Variants in RAB7A observed in about 807,000 individuals in gnomAD.
RAB7A encodes the protein RAB7A, member RAS oncogene family.
A neutral mutation model predicts 24.5 loss-of-function variants in RAB7A; 2 were observed. That is an observed-to-expected ratio of 0.08 (90% CI 0.03 to 0.26). RAB7A has a LOEUF of 0.26. RAB7A is among the 10% of genes least tolerant of loss of function. The pLI is 1.00. For synonymous variants in RAB7A, 100 were observed against 95.9 expected (o/e 1.04, Z -0.25); for missense variants, 118 against 255.7 (o/e 0.46, Z 3.67).
intron 1 of RAB7A, among the ~76,000 whole-genome samples, chr3:128,726,946 G>T (rs1224801519): frequency 1.3e-5 from 2 of 152,218 alleles, no homozygotes; most frequent in Admixed American, 1.3e-4. Context: ...TGGGAGACAG[G>T]GAGCTTTTTG....
At chr3:128,787,637 C>T (rs960864527) in intron 1 of RAB7A, among the ~76,000 whole-genome samples, 2 of 152,194 alleles carry the variant, frequency 1.3e-5, no homozygotes, top group Non-Finnish European at 2.9e-5. Context: ...TATAGTAATC[C>T]TCTTTATCTG....
intron 1 of RAB7A, among the ~76,000 whole-genome samples, chr3:128,745,048 G>C (rs568193671): frequency 6.6e-6 from 1 of 151,726 alleles, no homozygotes; most frequent in African/African-American, 2.4e-5. Context: ...TAATTTTTTT[G>C]TATTTTTAGT....
At chr3:128,748,611 C>T (rs2070645027) in intron 1 of RAB7A, 2 of 152,226 alleles carry the variant, frequency 1.3e-5, no homozygotes, top group Non-Finnish European at 2.9e-5. Flanking sequence ...TGGATGTGGT[C>T]TGCCTTGAAC....
At chr3:128,730,158 T>C (rs1308675307) in intron 1 of RAB7A, among the ~76,000 whole-genome samples, 1 of 152,224 alleles carries the variant, frequency 6.6e-6, no homozygotes, top group Non-Finnish European at 1.5e-5. Flanking sequence ...AGTTATTTGC[T>C]CTTAAATCTT....
chr3:128,753,716 C>T (rs1237569179), intron 1 of RAB7A, among the ~76,000 whole-genome samples: 7 of 152,162 alleles, frequency 4.6e-5, no homozygotes, highest in African/African-American at 1.7e-4. Flanking sequence ...AATGAACTTG[C>T]TCCCTTGAGT....
intron 1 of RAB7A, among the ~76,000 whole-genome samples, chr3:128,783,594 C>T (rs542121630): frequency 6.6e-6 from 1 of 152,268 alleles, no homozygotes; most frequent in Non-Finnish European, 1.5e-5. Flanking sequence ...TTTATGTGCC[C>T]GCTCAGGCCT....
intron 1 of RAB7A, among the ~76,000 whole-genome samples, chr3:128,738,574 T>G (rs1005956654): frequency 5.3e-5 from 8 of 152,228 alleles, no homozygotes; most frequent in African/African-American, 1.9e-4. Flanking sequence ...AGTCCACTTT[T>G]AAAGCTTTTC....
chr3:128,793,055 G>A (rs546707032), intron 1 of RAB7A, among the ~76,000 whole-genome samples: 13 of 151,074 alleles, frequency 8.6e-5, no homozygotes, highest in Non-Finnish European at 1.8e-4. Context: ...ACGGAGTCTC[G>A]CTCTGTCGCC....
intron 3 of RAB7A, among the ~76,000 whole-genome samples, chr3:128,802,331 G>A (rs1339629694): frequency 3.9e-5 from 6 of 152,086 alleles, no homozygotes; most frequent in African/African-American, 1.4e-4. Flanking sequence ...AATCAAATAG[G>A]CATGACAAAT....
At chr3:128,786,960 A>G (rs1933354618) in intron 1 of RAB7A, among the ~76,000 whole-genome samples, 1 of 152,276 alleles carries the variant, frequency 6.6e-6, no homozygotes, top group African/African-American at 2.4e-5. Flanking sequence ...TATTTAATAT[A>G]GAAAAAGCAA....
chr3:128,808,085 T>C (rs892327050), intron 5 of RAB7A, among the ~76,000 whole-genome samples: 1 of 152,092 alleles, frequency 6.6e-6, no homozygotes, highest in African/African-American at 2.4e-5. Flanking sequence ...GGCCGGGCAC[T>C]GTGGCTCATG....
At chr3:128,808,947 A>G (rs1415907335) in intron 5 of RAB7A, among the ~76,000 whole-genome samples, 1 of 152,218 alleles carries the variant, frequency 6.6e-6, no homozygotes, top group African/African-American at 2.4e-5. Context: ...GATCTACTCA[A>G]TGAGGAAATT....
chr3:128,756,274 A>G (rs1347509198), intron 1 of RAB7A, among the ~76,000 whole-genome samples: 1 of 151,608 alleles, frequency 6.6e-6, no homozygotes, highest in Non-Finnish European at 1.5e-5. Context: ...AGGCAGGAGA[A>G]TCGCTTGAAC....
At chr3:128,809,535 T>G (rs949767963) in intron 5 of RAB7A, among the ~76,000 whole-genome samples, 4 of 152,242 alleles carry the variant, frequency 2.6e-5, no homozygotes, top group Non-Finnish European at 5.9e-5. Context: ...TTAACTCTAC[T>G]TGCATCTTAA....
chr3:128,777,712 C>T (rs1933128004), intron 1 of RAB7A, among the ~76,000 whole-genome samples: 2 of 152,160 alleles, frequency 1.3e-5, no homozygotes, highest in African/African-American at 2.4e-5. Context: ...AAAGCTGCTC[C>T]AGTCAATCAT....
intron 5 of RAB7A, among the ~76,000 whole-genome samples, chr3:128,812,794 A>G (rs746374647): frequency 7.9e-5 from 12 of 152,232 alleles, no homozygotes; most frequent in Non-Finnish European, 1.3e-4. Flanking sequence ...ACCAGAGGCC[A>G]TTGGTCCCGA....
intron 1 of RAB7A, among the ~76,000 whole-genome samples, chr3:128,727,956 C>CT (rs540873200): frequency 0.017 from 2,525 of 145,422 alleles, 69 homozygotes; most frequent in African/African-American, 0.059. Context: ...TCATATTTGT[C>CT]TTTTTTTTTT....
rs766952728 is a variant in RAB7A at position 128,738,275 on chromosome 3, G to C, written c.-9+11916G>C. On this transcript the variant is annotated intron_variant, in intron 1 of 5. Coordinates refer to ENST00000265062, the MANE Select transcript of RAB7A (RefSeq NM_004637.6). ...CCAAACTTCTGGGCTCAAGTAGCTC[G>C]CCCACCCTGGCTTCCCAAGGTGCTA... Among the ~76,000 whole-genome samples the C allele has an allele frequency of 5.3e-4, 81 of 152,036 alleles. No homozygotes were observed. In the Middle Eastern group the frequency reaches 0.014, roughly 26 times the overall value.
intron 5 of RAB7A, among the ~76,000 whole-genome samples, chr3:128,809,934 G>GTTTTTTTTTTT (rs1231077081): frequency 1.7e-4 from 8 of 47,542 alleles, no homozygotes; most frequent in East Asian, 5.6e-4. Flanking sequence ...TCTTGCCACA[G>GTTTTTTTTTTT]TCTTTTTTTT....
Sources: allele counts gnomAD v4.1 joint callset (sites outside exome capture counted in the v4.1 genomes callset), GRCh38; gene constraint gnomAD v4.1.1; transcripts MANE v1.5; gene names NCBI Gene and HGNC (gene_info 2026-07-23, HGNC 2026-07-21).